Variants in TIMELESS observed in about 807,000 individuals in gnomAD.
TIMELESS encodes the protein timeless circadian regulator.
In TIMELESS, 124 loss-of-function variants were observed where a neutral mutation model predicts 164.3. The ratio of observed to expected loss-of-function variants is 0.75; its 90% CI spans 0.65 to 0.88. The LOEUF (loss-of-function observed/expected upper bound fraction) is 0.88. Among genes scored for constraint, TIMELESS ranks in the 40% least tolerant of loss-of-function variants. TIMELESS has a pLI of 0.00. For synonymous variants in TIMELESS, 564 were observed against 563.4 expected (o/e 1.00, Z -0.02); for missense variants, 1,422 against 1,491.4 (o/e 0.95, Z 0.77).
At chr12:56,432,273 C>A in intron 7 of TIMELESS, 96 bp downstream of exon 7, 1 of 1,435,662 alleles carries the variant, frequency 7.0e-7, no homozygotes, top group Non-Finnish European at 9.4e-7. Context: ...GCCTGCCTTC[C>A]CCAGATAATG....
intron 1 of TIMELESS, among the ~76,000 whole-genome samples, chr12:56,440,376 A>C (rs1328878969): frequency 1.3e-5 from 2 of 152,094 alleles, no homozygotes; most frequent in Non-Finnish European, 2.9e-5. Flanking sequence ...TGACCTCATG[A>C]TCTGCCCACC....
Position 56,422,090 on chromosome 12 carries a change from T to C in TIMELESS, c.2524+16A>G. ...CTGCCCTCCTCATAAACTCTCCAGA[T>C]CCCAAGGCCTCTCACCTTCCACGTC... On this transcript the variant is annotated intron_variant, in intron 20 of 28. Coordinates refer to ENST00000553532, the MANE Select transcript of TIMELESS (RefSeq NM_003920.5). 2 of 1,614,028 alleles carry C rather than the reference T, an allele frequency of 1.2e-6. No individual in the cohort carries two copies. Among genetic ancestry groups the C allele is most frequent in the Non-Finnish European group, 1.7e-6 (2 of 1,179,936 alleles).
intron 1 of TIMELESS, among the ~76,000 whole-genome samples, chr12:56,436,745 A>C (rs760124871): frequency 6.6e-6 from 1 of 152,216 alleles, no homozygotes; most frequent in Non-Finnish European, 1.5e-5. Flanking sequence ...ATTTCACTTC[A>C]GACGGATGGA....
chr12:56,425,031 AGCT>A lies in TIMELESS; in HGVS notation c.1697_1699del (p.Gln566del). 6.2e-7 allele frequency: 1 copy of A among 1,614,246 alleles called. No homozygotes were observed. Among genetic ancestry groups the A allele is most frequent in the East Asian group, 2.2e-5 (1 of 44,892 alleles). On this transcript the variant is annotated inframe_deletion, in exon 14 of 29. Transcript: ENST00000553532. ...ACCACCTACCTGGGCACAGCACTGT[AGCT>A]GCTCAGCCAGGGCTGGCCACACAGC...
At position 56,418,300 on chromosome 12, in the gene TIMELESS, A is replaced by G; in HGVS notation, c.3288T>C (p.Ala1096=). 6.2e-7 allele frequency: 1 copy of G among 1,614,146 alleles called. No individual in the cohort carries two copies. Reference sequence around the variant, plus strand: ...GTTCCTCCTCTGGTTGACTCAAAGAAGCTGCTGCCCTCCGGAGCTGGGTAG... The same window carrying G: ...GTTCCTCCTCTGGTTGACTCAAAGAGGCTGCTGCCCTCCGGAGCTGGGTAG... ...LSPTQLRRAA[A]SLSQPEEEQK... is the part of the protein sequence containing the mutation. The change falls in exon 27 of 29, where the codon GCT becomes GCC. Residue 1096 remains alanine (A), a synonymous_variant. Transcript: ENST00000553532.
chr12:56,431,853 T>C (rs1881896595), intron 7 of TIMELESS, among the ~76,000 whole-genome samples: 1 of 148,764 alleles, frequency 6.7e-6, no homozygotes, highest in Admixed American at 6.9e-5. Context: ...TATACACATA[T>C]ACATAGAACA....
At chr12:56,425,280 A>G in intron 13 of TIMELESS, 128 bp from the exon 14 acceptor site, 1 of 1,106,592 alleles carries the variant, frequency 9.0e-7, no homozygotes, top group Non-Finnish European at 1.3e-6. Flanking sequence ...ATCCATCGGT[A>G]ATAGAAAGCA....
chr12:56,418,510 C>A, intron 26 of TIMELESS, 151 bp from the exon 27 acceptor site: 1 of 599,574 alleles, frequency 1.7e-6, no homozygotes, highest in East Asian at 2.8e-5. Flanking sequence ...AATATATACC[C>A]AGTGCCTAGC....
At chr12:56,427,517 C>T (rs1175784820) in intron 13 of TIMELESS, among the ~76,000 whole-genome samples, 2 of 152,210 alleles carry the variant, frequency 1.3e-5, no homozygotes, top group Admixed American at 1.3e-4. Flanking sequence ...CCAGCTTGAG[C>T]TTATTCCAAT....
intron 10 of TIMELESS, 119 bp downstream of exon 10, chr12:56,429,986 G>T: frequency 2.2e-6 from 2 of 911,158 alleles, no homozygotes; most frequent in East Asian, 2.8e-5. Flanking sequence ...TCCCACCTAC[G>T]AGTCCACATT....
chr12:56,442,083 C>CAAAAA lies in TIMELESS; in HGVS notation c.-62+7222_-62+7226dup, dbSNP rs34126247. Among the ~76,000 whole-genome samples, 101 of 94,230 alleles carry CAAAAA rather than the reference C, an allele frequency of 1.1e-3. 1 individual carries two copies. Among genetic ancestry groups the CAAAAA allele is most frequent in the Non-Finnish European group, 1.5e-3 (75 of 51,196 alleles). The allele number at this position is 94,230 out of a possible 152,430, so 61.8% of individuals were successfully genotyped here. Reference sequence around the variant, plus strand: ...TGGGCGACAGAGTGAGACTCCGTCTCAAAAAAAAAAAAAAAAAAAGAAATG... The same window carrying CAAAAA: ...TGGGCGACAGAGTGAGACTCCGTCTCAAAAAAAAAAAAAAAAAAAAAAAAGAAATG... On this transcript the variant is annotated intron_variant, in intron 1 of 28. Coordinates refer to ENST00000553532, the MANE Select transcript of TIMELESS (RefSeq NM_003920.5).
Position 56,449,320 on chromosome 12 carries a change from C to A in TIMELESS, c.-72G>T, listed in dbSNP as rs1868488341. 1 of 152,310 alleles carries A rather than the reference C, an allele frequency of 6.6e-6. No homozygotes were observed. The highest frequency in any genetic ancestry group is 1.5e-5 in the Non-Finnish European group (1 of 68,094). 9.4% of individuals were successfully genotyped at this position (152,310 alleles called of 1,614,324 possible). On this transcript the variant is annotated 5_prime_UTR_variant, in exon 1 of 29. Transcript: ENST00000553532. ...CACACACTCACTCACCCGCTCCCTG[C>A]GGGTCCTCAGAAGCCCGGAGGAGCC...
At chr12:56,440,762 G>A (rs1258044389) in intron 1 of TIMELESS, among the ~76,000 whole-genome samples, 6 of 152,186 alleles carry the variant, frequency 3.9e-5, no homozygotes, top group Admixed American at 1.3e-4. Context: ...CTGCATCAAG[G>A]TAAGTACAGA....
chr12:56,423,364 AT>A lies in TIMELESS; in HGVS notation c.2201del (p.His734LeufsTer33). The A allele has an allele frequency of 1.2e-6, 2 of 1,614,158 alleles. No homozygotes were observed. Among genetic ancestry groups the A allele is most frequent in the Non-Finnish European group, 1.7e-6 (2 of 1,180,032 alleles). On this transcript the variant is annotated frameshift_variant, in exon 18 of 29. Transcript: ENST00000553532. LOFTEE classifies it high-confidence loss of function. Reference protein sequence around the residue: ...CIVKMLHRLAHDLKMEALLFQ... With the variant: ...CIVKMLHRLAXDLKMEALLFQ... ...AAAGTAGGGCTTCCATTTTGAGGTC[AT>A]GGGCCAGCCGGTGCAGCATCTTCAC... is the stretch of plus-strand genomic sequence containing the variant.
At chr12:56,435,034 G>A (rs11833581) in intron 1 of TIMELESS, among the ~76,000 whole-genome samples, 2 of 151,800 alleles carry the variant, frequency 1.3e-5, no homozygotes, top group East Asian at 3.9e-4. Flanking sequence ...AGAGTCTCTG[G>A]AAAAAATAAA....
rs1288938756 is a variant in TIMELESS, at chr12:56,428,722, C to T, written c.1305-70G>A. The stretch of plus-strand genomic sequence containing the variant: ...AATGGCCCATGGAAACAGCAACTTC[C>T]CACAGCGAAAAAAAAAAATGTGCCA... On this transcript the variant is annotated intron_variant, in intron 11 of 28. Transcript: ENST00000553532. 3 of 1,505,068 alleles carry T rather than the reference C, an allele frequency of 2.0e-6. No individual in the cohort carries two copies. The Admixed American group carries it at 5.5e-5, about 28-fold the overall frequency. The allele number at this position is 1,505,068 out of a possible 1,614,324, so 93.2% of individuals were successfully genotyped here. A position where few individuals can be genotyped will look rare whatever the true frequency, so the allele number is the denominator to read the frequency against.
rs766410726 is a variant in TIMELESS, at chr12:56,421,807, T to C, written c.2645A>G (p.Lys882Arg). 2 of 1,614,174 alleles carry C rather than the reference T, an allele frequency of 1.2e-6. No individual in the cohort carries two copies. The highest frequency in any genetic ancestry group is 1.7e-6 in the Non-Finnish European group (2 of 1,180,024). The change falls in exon 22 of 29, where the codon AAA becomes AGA. Residue 882 changes from lysine (K) to arginine (R), a missense_variant and splice_region_variant. Coordinates refer to ENST00000553532, the MANE Select transcript of TIMELESS (RefSeq NM_003920.5). ...CGTCCACAGTACAATATGGGTTCCT[T>C]TCCTGATTAGGAAGGTGTCAGTGGA... ...LADSVKDFQR[K>R]GTHIVLWTGD...
At position 56,424,824 on chromosome 12, in the gene TIMELESS, C is replaced by A. The variant is rs1482990946; in HGVS notation, c.1806G>T (p.Arg602=). 6.2e-7 allele frequency: 1 copy of A among 1,614,188 alleles called. No homozygotes were observed. Among genetic ancestry groups the A allele is most frequent in the South Asian group, 1.1e-5 (1 of 91,088 alleles). Residue 602 remains arginine, a synonymous_variant, in exon 15 of 29, where the codon CGG becomes CGT. Coordinates refer to ENST00000553532, the MANE Select transcript of TIMELESS (RefSeq NM_003920.5). ...VEEQRAEAMV[R]IQDCLLAGQA... ...GGCCAGCCAGGAGACAGTCTTGGAT[C>A]CGTACCATAGCTTCTGCCCGCTGCT...
chr12:56,423,944 A>G, intron 15 of TIMELESS, 50 bp from the exon 16 acceptor site: 1 of 1,508,910 alleles, frequency 6.6e-7, no homozygotes. Context: ...TCTGGCTTTA[A>G]ATTTATAATT....
Sources: allele counts gnomAD v4.1 joint callset (sites outside exome capture counted in the v4.1 genomes callset), GRCh38; gene constraint gnomAD v4.1.1; transcripts MANE v1.5; gene names NCBI Gene and HGNC (gene_info 2026-07-23, HGNC 2026-07-21).